Variants in ARHGEF7 observed in about 807,000 individuals in gnomAD.
The protein encoded by ARHGEF7 is PAK-interacting exchange factor beta.
In ARHGEF7, 33 loss-of-function variants were observed where a neutral mutation model predicts 109.8. The ratio of observed to expected loss-of-function variants is 0.30; its 90% CI spans 0.23 to 0.40. ARHGEF7 has a LOEUF of 0.40. Ranked by LOEUF, ARHGEF7 falls within the 10% of genes least tolerant of loss-of-function variation. The probability of loss-of-function intolerance (pLI) is 1.00; values close to 1 mark genes in which losing one functional copy is unlikely to be tolerated. For missense variants in ARHGEF7, 938 were observed against 1,098.5 expected (o/e 0.85, Z 2.07); for synonymous variants, 458 against 424.6 (o/e 1.08, Z -0.97).
At chr13:111,297,355 T>C (rs1239034653) in intron 19 of ARHGEF7, among the ~76,000 whole-genome samples, 1 of 152,240 alleles carries the variant, frequency 6.6e-6, no homozygotes, top group East Asian at 1.9e-4. Flanking sequence ...CAGTACATCC[T>C]ATCTGTGATA....
At chr13:111,257,963 G>A (rs2090629739) in intron 8 of ARHGEF7, among the ~76,000 whole-genome samples, 2 of 152,256 alleles carry the variant, frequency 1.3e-5, no homozygotes, top group African/African-American at 2.4e-5. Flanking sequence ...ATGACCTGGG[G>A]TTCTAAATAA....
chr13:111,191,680 G>GT (rs914942802), intron 2 of ARHGEF7, among the ~76,000 whole-genome samples: 1 of 152,132 alleles, frequency 6.6e-6, no homozygotes, highest in African/African-American at 2.4e-5. Context: ...TCTTGTAGAG[G>GT]TATTTAGGAG....
At chr13:111,247,085 G>C (rs544815674) in intron 8 of ARHGEF7, among the ~76,000 whole-genome samples, 11 of 152,212 alleles carry the variant, frequency 7.2e-5, no homozygotes, top group African/African-American at 2.6e-4. Context: ...GAGTTCCACG[G>C]GGAAATGGAA....
At chr13:111,128,113 G>C (rs2067698907) in intron 1 of ARHGEF7, among the ~76,000 whole-genome samples, 1 of 152,134 alleles carries the variant, frequency 6.6e-6, no homozygotes, top group Admixed American at 6.5e-5. Context: ...AGACTCAATG[G>C]TGAAAGACTA....
At chr13:111,190,766 G>C (rs763602949) in intron 2 of ARHGEF7, among the ~76,000 whole-genome samples, 11 of 152,190 alleles carry the variant, frequency 7.2e-5, no homozygotes, top group Non-Finnish European at 1.3e-4. Context: ...TGTCCAGTTG[G>C]TGGGGAGGCA....
At chr13:111,282,781 T>C (rs1266518502) in intron 15 of ARHGEF7, 1 of 324,076 alleles carries the variant, frequency 3.1e-6, no homozygotes, top group Non-Finnish European at 5.6e-6. Context: ...CCCTGTGTGC[T>C]TTTGTGAAAT....
intron 2 of ARHGEF7, among the ~76,000 whole-genome samples, chr13:111,196,026 T>G (rs1287435843): frequency 6.6e-6 from 1 of 152,206 alleles, no homozygotes; most frequent in Non-Finnish European, 1.5e-5. Context: ...TGCGGCTGAT[T>G]GGGTAATAAA....
At chr13:111,286,117 A>G (rs1368895684) in intron 16 of ARHGEF7, 30 bp from the exon 17 acceptor site, 2 of 1,557,702 alleles carry the variant, frequency 1.3e-6, no homozygotes, top group Admixed American at 1.7e-5. Context: ...GCTTTAGAGT[A>G]TGTTAGCATT....
intron 5 of ARHGEF7, among the ~76,000 whole-genome samples, chr13:111,230,374 T>G (rs2085868932): frequency 6.6e-6 from 1 of 152,256 alleles, no homozygotes; most frequent in East Asian, 1.9e-4. Flanking sequence ...CTTTTCTGTC[T>G]GTTACGAATG....
chr13:111,216,889 C>G (rs2083219541), intron 4 of ARHGEF7, among the ~76,000 whole-genome samples: 1 of 152,260 alleles, frequency 6.6e-6, no homozygotes, highest in South Asian at 2.1e-4. Flanking sequence ...GCCCCAGCCC[C>G]TCTGCCTTCC....
intron 5 of ARHGEF7, among the ~76,000 whole-genome samples, chr13:111,221,936 T>A (rs1402862021): frequency 1.3e-5 from 2 of 152,056 alleles, no homozygotes; most frequent in African/African-American, 4.8e-5. Flanking sequence ...TGGAGGCTGA[T>A]GTTTGAGGGC....
intron 5 of ARHGEF7, among the ~76,000 whole-genome samples, chr13:111,231,107 G>A (rs552629383): frequency 6.6e-6 from 1 of 152,134 alleles, no homozygotes; most frequent in African/African-American, 2.4e-5. Context: ...GCTGACGTGC[G>A]GCTTATGATC....
chr13:111,218,558 G>C (rs1204820518), intron 5 of ARHGEF7, among the ~76,000 whole-genome samples: 1 of 152,174 alleles, frequency 6.6e-6, no homozygotes. Context: ...GAAAAACACC[G>C]TTGTATACTA....
chr13:111,275,394 A>G (rs1332094227), intron 11 of ARHGEF7, 138 bp from the exon 12 acceptor site: 4 of 1,008,404 alleles, frequency 4.0e-6, no homozygotes, highest in Non-Finnish European at 5.8e-6. Flanking sequence ...TAATTAAGCA[A>G]ATCGCTCAAT....
chr13:111,126,665 C>A (rs923499508), intron 1 of ARHGEF7, among the ~76,000 whole-genome samples: 3 of 152,120 alleles, frequency 2.0e-5, no homozygotes, highest in Middle Eastern at 3.2e-3. Flanking sequence ...AATAAAAGTT[C>A]ATTTATGGCA....
intron 19 of ARHGEF7, among the ~76,000 whole-genome samples, chr13:111,299,338 T>G (rs1253665072): frequency 4.8e-5 from 2 of 41,708 alleles, no homozygotes; most frequent in Non-Finnish European, 1.1e-4. Context: ...AAGCCATTCA[T>G]TTTTTTTTTT....
Position 111,301,487 on chromosome 13 carries a change from G to T in ARHGEF7, c.2421G>T (p.Val807=), listed in dbSNP as rs764288540. 3.1e-6 allele frequency: 5 copies of T among 1,613,186 alleles called. No homozygotes were observed. ...GQTVIEEKSL[V]DTVYALKDEV... ...CTGTTTCCTGTTTCAGGAGTCTTGT[G>T]GATACCGTATATGCATTAAAGGATG... Residue 807 remains valine, a synonymous_variant, in exon 21 of 22, where the codon GTG becomes GTT. Coordinates refer to ENST00000646102, the MANE Select transcript of ARHGEF7 (RefSeq NM_001354046.2).
Position 111,280,620 on chromosome 13 carries a change from G to A in ARHGEF7, c.1668G>A (p.Thr556=), listed in dbSNP as rs146121341. 2.7e-3 allele frequency: 4,277 copies of A among 1,612,626 alleles called. 14 individuals carry two copies. Among genetic ancestry groups the A allele is most frequent in the South Asian group, 2.9e-3 (264 of 90,740 alleles). The change falls in exon 15 of 22, where the codon ACG becomes ACA. Residue 556 remains threonine, a synonymous_variant. Transcript: ENST00000646102. ...GGGTGGAGCACCTACAGAAGCAAAC[G>A]AAGGTCACGTCTGTGGGAAACCCCA... ...QEWVEHLQKQ[T]KVTSVGNPTI...
chr13:111,120,530 C>T (rs1018871361), intron 1 of ARHGEF7, among the ~76,000 whole-genome samples: 6 of 152,122 alleles, frequency 3.9e-5, no homozygotes, highest in East Asian at 1.9e-4. Context: ...CACACAGACA[C>T]GTCTGACGGG....
Sources: allele counts gnomAD v4.1 joint callset (sites outside exome capture counted in the v4.1 genomes callset), GRCh38; gene constraint gnomAD v4.1.1; transcripts MANE v1.5; gene names NCBI Gene and HGNC (gene_info 2026-07-23, HGNC 2026-07-21).